Variants in SORL1 observed in about 807,000 individuals in gnomAD.
SORL1 encodes the protein sortilin-related receptor.
SORL1 carries 127 observed loss-of-function variants against 273.7 expected under a neutral mutation model. The ratio of observed to expected loss-of-function variants is 0.46; its 90% CI spans 0.40 to 0.54. The LOEUF (loss-of-function observed/expected upper bound fraction) is 0.54. Among genes scored for constraint, SORL1 ranks in the 20% least tolerant of loss-of-function variants. The pLI is 0.00. For missense variants in SORL1, 2,494 were observed against 2,846.1 expected, an observed-to-expected ratio of 0.88 and a Z score of 2.81; for synonymous variants, 1,031 against 1,067.4, an observed-to-expected ratio of 0.97 and a Z score of 0.66.
intron 19 of SORL1, 91 bp downstream of exon 19, chr11:121,557,496 G>A: frequency 1.0e-6 from 1 of 989,898 alleles, no homozygotes; most frequent in Admixed American, 1.8e-5. Context: ...CAAAAACTCT[G>A]TTTCTCATGA....
intron 1 of SORL1, among the ~76,000 whole-genome samples, chr11:121,469,515 C>G (rs1861139045): frequency 6.6e-6 from 1 of 152,194 alleles, no homozygotes; most frequent in East Asian, 1.9e-4. Flanking sequence ...TGATACTTCT[C>G]TCATTTCTCA....
Position 121,627,018 on chromosome 11 carries a change from C to T in SORL1, c.6365-537C>T, listed in dbSNP as rs1863805335. 6.5e-6 allele frequency: 1 copy of T among 153,596 alleles called. No homozygotes were observed. The highest frequency in any genetic ancestry group is 1.5e-5 in the Non-Finnish European group (1 of 68,690). 9.5% of individuals were successfully genotyped at this position (153,596 alleles called of 1,614,324 possible). A position where few individuals can be genotyped will look rare whatever the true frequency, so the allele number is the denominator to read the frequency against. On this transcript the variant is annotated intron_variant, in intron 46 of 47. Transcript: ENST00000260197. This position sits in a 1 kb window ranked among gnomAD's most constrained non-coding sequence, Gnocchi z 4.9. ...TGGAAAGTTGTTTTTCTCCCTCACTCTCTTTTTCACTTAAGTGAAAAACCT... is the reference window on the plus strand; with the variant it reads ...TGGAAAGTTGTTTTTCTCCCTCACTTTCTTTTTCACTTAAGTGAAAAACCT...
chr11:121,621,195 A>G lies in SORL1; in HGVS notation c.6021A>G (p.Gln2007=), dbSNP rs141089496. The change falls in exon 44 of 48, where the codon CAA becomes CAG. Residue 2007 remains glutamine (Q), a synonymous_variant. Transcript: ENST00000260197. ...GCGGGAAATACCACATCATTGTCCA[A>G]CTGGGGAACATGAGCAAAGATTCCA... ...EPGGKYHIIV[Q]LGNMSKDSSI... 1,330 of 1,614,206 alleles carry G rather than the reference A, an allele frequency of 8.2e-4. No homozygotes were observed. The highest frequency in any genetic ancestry group is 1.1e-3 in the Non-Finnish European group (1,270 of 1,180,010).
chr11:121,570,979 G>T (rs1417952859), intron 23 of SORL1, among the ~76,000 whole-genome samples: 2 of 152,118 alleles, frequency 1.3e-5, no homozygotes, highest in African/African-American at 4.8e-5. Flanking sequence ...GAGATGATTT[G>T]CCCTTTTGTC....
rs1862380525 is a variant in SORL1, at chr11:121,543,646, C to T, written c.1784C>T (p.Thr595Ile). The change falls in exon 13 of 48, where the codon ACT becomes ATT. Residue 595 changes from threonine (T) to isoleucine (I), a missense_variant. Coordinates refer to ENST00000260197, the MANE Select transcript of SORL1 (RefSeq NM_003105.6). ...GLLTEPGEKS[T>I]VFTIFGSNKE... ...CTCACAGAACCTGGGGAGAAGAGCA[C>T]TGTCTTCACCATCTTTGGCTCGAAC... The T allele has an allele frequency of 1.2e-6, 2 of 1,613,990 alleles. No individual in the cohort carries two copies. Among genetic ancestry groups the T allele is most frequent in the African/African-American group, 1.3e-5 (1 of 74,940 alleles).
At chr11:121,499,528 C>A (rs1861680076) in intron 6 of SORL1, among the ~76,000 whole-genome samples, 1 of 152,228 alleles carries the variant, frequency 6.6e-6, no homozygotes, top group Admixed American at 6.5e-5. Context: ...CAGGCAGATG[C>A]TTCAAATGAC....
intron 1 of SORL1, among the ~76,000 whole-genome samples, chr11:121,465,951 A>G (rs940386725): frequency 5.3e-5 from 8 of 152,048 alleles, no homozygotes; most frequent in African/African-American, 1.9e-4. Flanking sequence ...CCCCTAGGCC[A>G]GGTGATCTTT....
At chr11:121,524,146 G>A (rs188774074) in intron 11 of SORL1, among the ~76,000 whole-genome samples, 5 of 152,342 alleles carry the variant, frequency 3.3e-5, no homozygotes, top group Admixed American at 6.5e-5. Flanking sequence ...GGAAATTTTC[G>A]GGTTGTCCTT....
At chr11:121,518,817 T>C (rs1371097676) in intron 8 of SORL1, among the ~76,000 whole-genome samples, 1 of 152,088 alleles carries the variant, frequency 6.6e-6, no homozygotes, top group Non-Finnish European at 1.5e-5. Context: ...CTGTCTGAGG[T>C]GGCAGGGCAG....
intron 24 of SORL1, chr11:121,576,663 T>C: frequency 9.7e-7 from 1 of 1,027,486 alleles, no homozygotes; most frequent in Non-Finnish European, 1.4e-6. Context: ...CAGGGCAGCC[T>C]CCTTCCCCTT....
chr11:121,502,049 C>T (rs1475644948), intron 6 of SORL1, among the ~76,000 whole-genome samples: 5 of 149,554 alleles, frequency 3.3e-5, no homozygotes, highest in East Asian at 2.0e-4. Flanking sequence ...TTCGTGTGCA[C>T]GTTTGTGTGT....
At chr11:121,519,506 G>C (rs1591309599) in intron 8 of SORL1, among the ~76,000 whole-genome samples, 1 of 151,986 alleles carries the variant, frequency 6.6e-6, no homozygotes, top group Non-Finnish European at 1.5e-5. Flanking sequence ...CCGCGTCCCG[G>C]GTTCATGCCG....
intron 8 of SORL1, among the ~76,000 whole-genome samples, chr11:121,519,094 C>G (rs1057063008): frequency 2.0e-5 from 3 of 151,546 alleles, no homozygotes; most frequent in Admixed American, 2.0e-4. Context: ...ACTACAGGCA[C>G]GTGCCACCAT....
Position 121,622,219 on chromosome 11 carries a change from T to G in SORL1, c.6122T>G (p.Leu2041Arg). 1 of 1,613,126 alleles carries G rather than the reference T, an allele frequency of 6.2e-7. No individual in the cohort carries two copies. The highest frequency in any genetic ancestry group is 8.5e-7 in the Non-Finnish European group (1 of 1,179,502). Residue 2041 changes from leucine (L) to arginine (R), a missense_variant, in exon 45 of 48, where the codon CTG becomes CGG. Coordinates refer to ENST00000260197, the MANE Select transcript of SORL1 (RefSeq NM_003105.6). ...ATAACAGAAAATGATCATGTTCTTC[T>G]GTTTTGGAAAAGCCTGGCTTTAAAG... ...KIITENDHVL[L>R]FWKSLALKEK...
At position 121,569,523 on chromosome 11, in the gene SORL1, G is replaced by C. The variant is rs184993123; in HGVS notation, c.3224-634G>C. 1.2e-3 allele frequency among the ~76,000 whole-genome samples: 186 copies of C among 152,270 alleles called. 1 individual carries two copies. The highest frequency in any genetic ancestry group is 2.0e-3 in the Non-Finnish European group (136 of 67,998). On this transcript the variant is annotated intron_variant, in intron 22 of 47. Transcript: ENST00000260197. ...TCTAAAATGGCCGCTTCGAGGGGCG[G>C]CCATCTTTTATGGTCGAAGCTGTAG...
At chr11:121,610,750 C>T (rs888217212) in intron 38 of SORL1, 13 of 205,160 alleles carry the variant, frequency 6.3e-5, no homozygotes, top group Non-Finnish European at 9.8e-5. Flanking sequence ...AGATGCCACT[C>T]GCAGTGAATG....
Position 121,627,619 on chromosome 11 carries a change from C to G in SORL1, c.6429C>G (p.Ile2143Met). ...ATGTTGCTGCTGTGGTGGTGCCCAT[C>G]TTATTCCTGATACTGCTGAGCCTGG... The part of the protein sequence containing the change: ...STDVAAVVVP[I>M]LFLILLSLGV... Residue 2143 changes from isoleucine (I) to methionine (M), a missense_variant, in exon 47 of 48, where the codon ATC (isoleucine) becomes ATG (methionine). Physicochemically the swap from Ile to Met is conservative, Grantham distance 10 (BLOSUM62 1). Coordinates refer to ENST00000260197, the MANE Select transcript of SORL1 (RefSeq NM_003105.6). This position sits in a 1 kb window ranked among gnomAD's most constrained non-coding sequence, Gnocchi z 4.9. 1 of 1,614,214 alleles carries G rather than the reference C, an allele frequency of 6.2e-7. No homozygotes were observed. The highest frequency in any genetic ancestry group is 8.5e-7 in the Non-Finnish European group (1 of 1,180,038).
At chr11:121,480,883 C>A (rs1022772340) in intron 3 of SORL1, among the ~76,000 whole-genome samples, 1 of 145,606 alleles carries the variant, frequency 6.9e-6, no homozygotes, top group Non-Finnish European at 1.5e-5. Flanking sequence ...TCCCCAGCTT[C>A]TTCCGTAGTG....
chr11:121,621,038 AT>A, intron 43 of SORL1, 25 bp from the exon 44 acceptor site: 2 of 1,534,794 alleles, frequency 1.3e-6, no homozygotes, highest in Non-Finnish European at 1.8e-6. Context: ...TCTGATTATC[AT>A]TCACTTGTTC....
Sources: gnomAD v4.1 joint callset for allele counts (sites outside exome capture counted in the v4.1 genomes callset) on GRCh38, gnomAD v4.1.1 for gene constraint, Gnocchi (gnomAD v3.1) non-coding constraint, MANE v1.5 for transcripts, NCBI Gene and HGNC (gene_info 2026-07-23, HGNC 2026-07-21) for gene names.